The following ITPR1 variants were observed in gnomAD, a reference collection of about 807,000 sequenced individuals.
The protein encoded by ITPR1 is inositol 1,4,5-trisphosphate-gated calcium channel ITPR1.
ITPR1 carries 96 observed loss-of-function variants against 318.4 expected under a neutral mutation model. The observed-to-expected ratio is 0.30, with a 90% confidence interval of 0.26 to 0.36. The LOEUF (loss-of-function observed/expected upper bound fraction) is 0.36, where lower values mean the gene tolerates loss of function less well. Among genes scored for constraint, ITPR1 ranks in the 10% least tolerant of loss-of-function variants. The pLI, the probability that ITPR1 is intolerant of heterozygous loss-of-function variation, is 1.00. For missense variants in ITPR1, 2,440 were observed against 3,460.2 expected, an observed-to-expected ratio of 0.71 and a Z score of 7.40; for synonymous variants, 1,312 against 1,289.9, an observed-to-expected ratio of 1.02 and a Z score of -0.37.
At chr3:4,683,825 A>C (rs1485462206) in intron 28 of ITPR1, 27 bp downstream of exon 28, 1 of 1,602,510 alleles carries the variant, frequency 6.2e-7, no homozygotes, top group African/African-American at 1.3e-5. Context: ...TTATGCTGCC[A>C]AAGTGGATGG....
intron 33 of ITPR1, among the ~76,000 whole-genome samples, chr3:4,694,221 C>G (rs1194436502): frequency 1.3e-5 from 2 of 150,818 alleles, no homozygotes; most frequent in African/African-American, 4.9e-5. Flanking sequence ...TGAAGTTAAT[C>G]CTTCCAGGCT....
chr3:4,590,835 G>C (rs2090341125), intron 4 of ITPR1, among the ~76,000 whole-genome samples: 1 of 152,064 alleles, frequency 6.6e-6, no homozygotes, highest in South Asian at 2.1e-4. Flanking sequence ...CAGGTATTAA[G>C]CTCAGTACCC....
At chr3:4,717,323 T>C in intron 39 of ITPR1, 44 bp from the exon 40 acceptor site, 1 of 1,513,352 alleles carries the variant, frequency 6.6e-7, no homozygotes, top group Non-Finnish European at 9.1e-7. Context: ...GTATTTCCTT[T>C]CCTAACATTT....
At chr3:4,675,482 TTGTATTTATG>T (rs1308266208) in intron 23 of ITPR1, among the ~76,000 whole-genome samples, 13 of 152,240 alleles carry the variant, frequency 8.5e-5, no homozygotes, top group Non-Finnish European at 1.2e-4. Context: ...GAATTTTATT[TTGTATTTATG>T]TGTATTTATG....
chr3:4,631,887 A>G (rs1477201895), intron 5 of ITPR1, among the ~76,000 whole-genome samples: 1 of 152,172 alleles, frequency 6.6e-6, no homozygotes, highest in African/African-American at 2.4e-5. Context: ...CCTGAGCTCA[A>G]ACGATCCTCC....
At chr3:4,722,368 T>A (rs903825688) in intron 40 of ITPR1, among the ~76,000 whole-genome samples, 13 of 152,108 alleles carry the variant, frequency 8.5e-5, no homozygotes, top group African/African-American at 2.9e-4. Flanking sequence ...CAGTGACTGG[T>A]CCTGGGACTA....
chr3:4,540,432 A>G (rs568969358), intron 4 of ITPR1, among the ~76,000 whole-genome samples: 1 of 152,322 alleles, frequency 6.6e-6, no homozygotes, highest in South Asian at 2.1e-4. Context: ...CTCTCTGACC[A>G]TCTTTGTCTA....
rs757563286 is a variant in ITPR1, at chr3:4,710,284, G to A, written c.4843-41G>A. 2.3e-5 allele frequency: 34 copies of A among 1,491,404 alleles called. No homozygotes were observed. The highest frequency in any genetic ancestry group is 2.9e-5 in the Non-Finnish European group (32 of 1,111,844). 92.4% of individuals were successfully genotyped at this position (1,491,404 alleles called of 1,614,324 possible). A position where few individuals can be genotyped will look rare whatever the true frequency, so the allele number is the denominator to read the frequency against. On this transcript the variant is annotated intron_variant, in intron 37 of 61. Transcript: ENST00000649015. This position sits in a 1 kb window ranked among gnomAD's most constrained non-coding sequence, Gnocchi z 4.2. ...ATGTCCTCACCCTCCTGTGGTCAGC[G>A]TCTGCCTGAGCCGTTGACTGAGGCT...
At chr3:4,634,977 A>T (rs920324491) in intron 5 of ITPR1, among the ~76,000 whole-genome samples, 1 of 152,222 alleles carries the variant, frequency 6.6e-6, no homozygotes, top group Non-Finnish European at 1.5e-5. Context: ...CCCTGACTTC[A>T]GGTGATCTGC....
intron 4 of ITPR1, among the ~76,000 whole-genome samples, chr3:4,621,017 T>G (rs1324709010): frequency 6.6e-6 from 1 of 152,040 alleles, no homozygotes; most frequent in Non-Finnish European, 1.5e-5. Flanking sequence ...CATTTCAGCT[T>G]GGATGTTTCG....
At chr3:4,673,471 GA>G in intron 21 of ITPR1, 84 bp downstream of exon 21, 1 of 1,292,016 alleles carries the variant, frequency 7.7e-7, no homozygotes. Flanking sequence ...AATCTTAGAA[GA>G]AAGATGAAGT....
At chr3:4,611,430 C>T (rs1008790495) in intron 4 of ITPR1, among the ~76,000 whole-genome samples, 4 of 151,548 alleles carry the variant, frequency 2.6e-5, no homozygotes, top group East Asian at 1.9e-4. Context: ...CATGGTGGCA[C>T]GCACCTGTAA....
chr3:4,697,107 C>G, intron 33 of ITPR1, 40 bp from the exon 34 acceptor site: 1 of 1,602,200 alleles, frequency 6.2e-7, no homozygotes, highest in South Asian at 1.1e-5. Flanking sequence ...TCCATACACA[C>G]CAAGATGGTT....
chr3:4,747,185 G>A (rs1295842869), intron 44 of ITPR1, among the ~76,000 whole-genome samples: 3 of 152,348 alleles, frequency 2.0e-5, no homozygotes, highest in East Asian at 1.9e-4. Context: ...ATGATGGACA[G>A]TAGTGGTAAC....
Position 4,828,569 on chromosome 3 carries a change from C to A in ITPR1, c.8029-8205C>A, listed in dbSNP as rs369327581. ...TGCCCAGGACCCAGCAAGTGTGCACCCTGTGTACCATGGTCCCTGTGCACC... is the reference window on the plus strand; with the variant it reads ...TGCCCAGGACCCAGCAAGTGTGCACACTGTGTACCATGGTCCCTGTGCACC... On this transcript the variant is annotated intron_variant, in intron 60 of 61. Coordinates refer to ENST00000649015, the MANE Select transcript of ITPR1 (RefSeq NM_001378452.1). 2.0e-5 allele frequency among the ~76,000 whole-genome samples: 3 copies of A among 152,166 alleles called. No individual in the cohort carries two copies. In the East Asian group the frequency reaches 5.8e-4, roughly 29 times the overall value.
chr3:4,795,645 A>T (rs2047850495), intron 53 of ITPR1, among the ~76,000 whole-genome samples: 1 of 151,924 alleles, frequency 6.6e-6, no homozygotes, highest in Non-Finnish European at 1.5e-5. Flanking sequence ...TCTCTGGAAT[A>T]TTTTTTTTGC....
intron 54 of ITPR1, among the ~76,000 whole-genome samples, chr3:4,805,052 T>G (rs542641289): frequency 2.5e-4 from 38 of 152,302 alleles, no homozygotes; most frequent in African/African-American, 8.9e-4. Context: ...GGTGAGACTA[T>G]ATTGCACAGT....
chr3:4,648,838 C>G (rs143868346), intron 10 of ITPR1, among the ~76,000 whole-genome samples: 146 of 152,286 alleles, frequency 9.6e-4, no homozygotes, highest in African/African-American at 3.4e-3. Context: ...TGTTACAATA[C>G]TGTACATATG....
At chr3:4,569,296 T>G (rs2087731852) in intron 4 of ITPR1, among the ~76,000 whole-genome samples, 1 of 152,240 alleles carries the variant, frequency 6.6e-6, no homozygotes, top group Non-Finnish European at 1.5e-5. Flanking sequence ...AAGATGTGTT[T>G]CCTTATATTT....
Sources: allele counts gnomAD v4.1 joint callset (sites outside exome capture counted in the v4.1 genomes callset), GRCh38; gene constraint gnomAD v4.1.1; non-coding constraint Gnocchi (gnomAD v3.1); transcripts MANE v1.5; gene names NCBI Gene and HGNC (gene_info 2026-07-23, HGNC 2026-07-21).